SRRM4: variants seen among roughly 807,000 people sequenced by gnomAD.
SRRM4 encodes the protein serine/arginine repetitive matrix 4.
Under a neutral mutation model 68.9 loss-of-function variants are expected in SRRM4, and 33 were observed. That is an observed-to-expected ratio of 0.48 (90% confidence interval 0.36 to 0.64). SRRM4 has a LOEUF of 0.64. Among genes scored for constraint, SRRM4 ranks in the 30% least tolerant of loss-of-function variants. SRRM4 has a pLI of 0.00. For missense variants in SRRM4, 817 were observed against 827.1 expected (o/e 0.99, Z 0.15); for synonymous variants, 318 against 318.8 (o/e 1.00, Z 0.03).
At chr12:119,068,332 ACTGTCATAG>A (rs1753514090) in intron 1 of SRRM4, among the ~76,000 whole-genome samples, 1 of 152,174 alleles carries the variant, frequency 6.6e-6, no homozygotes, top group Admixed American at 6.5e-5. Flanking sequence ...AGCTGTCATC[ACTGTCATAG>A]CCATCATCAT....
chr12:119,010,601 G>A (rs1953443001), intron 1 of SRRM4, among the ~76,000 whole-genome samples: 1 of 152,198 alleles, frequency 6.6e-6, no homozygotes, highest in South Asian at 2.1e-4. Context: ...TTGCTGTTAG[G>A]AGTGTAAACT....
At chr12:119,057,262 T>A (rs1326950383) in intron 1 of SRRM4, among the ~76,000 whole-genome samples, 2 of 152,170 alleles carry the variant, frequency 1.3e-5, no homozygotes, top group African/African-American at 4.8e-5. Context: ...TGTGCCATGG[T>A]GGTTTGCTAC....
Position 119,114,736 on chromosome 12 carries a change from C to T in SRRM4, c.365+372C>T, listed in dbSNP as rs575188379. 4.9e-5 allele frequency among the ~76,000 whole-genome samples: 7 copies of T among 141,578 alleles called. No homozygotes were observed. The East Asian group carries it at 1.6e-3, about 32-fold the overall frequency. 92.9% of individuals were successfully genotyped at this position (141,578 alleles called of 152,430 possible). ...CTGGAGTGCACTGGCATGATCTCGG[C>T]TCCCTGCAATCTCCGCCTCCCAGGT... On this transcript the variant is annotated intron_variant, in intron 3 of 12. Transcript: ENST00000267260.
intron 1 of SRRM4, chr12:119,001,164 G>A (rs568153639): frequency 6.6e-6 from 1 of 152,184 alleles, no homozygotes; most frequent in Non-Finnish European, 1.5e-5. Flanking sequence ...TTTGCTTCTC[G>A]TGGCATACAG....
intron 1 of SRRM4, among the ~76,000 whole-genome samples, chr12:118,991,240 C>T (rs539946650): frequency 1.1e-4 from 16 of 152,322 alleles, no homozygotes; most frequent in South Asian, 2.1e-4. Flanking sequence ...GCATCTTATT[C>T]CTTTTAGTTA....
intron 8 of SRRM4, among the ~76,000 whole-genome samples, chr12:119,140,719 T>A (rs2065676817): frequency 6.6e-6 from 1 of 152,176 alleles, no homozygotes; most frequent in African/African-American, 2.4e-5. Flanking sequence ...GTTTTGCAGG[T>A]CGGAAACTTC....
In SRRM4 at chr12:119,154,478, G is replaced by GA; in HGVS notation, c.1532+95_1532+96insA. 4 of 1,433,258 alleles carry GA rather than the reference G, an allele frequency of 2.8e-6. No homozygotes were observed. The highest frequency in any genetic ancestry group is 2.9e-6 in the Non-Finnish European group (3 of 1,048,282). The allele number at this position is 1,433,258 out of a possible 1,614,324, so 88.8% of individuals were successfully genotyped here. Reference sequence around the variant, plus strand: ...TCAGGCTCTCCCTAGGCCTCCTTGGGGCTGGGATTTAGGATTGTGCGAGCT... The same window carrying GA: ...TCAGGCTCTCCCTAGGCCTCCTTGGGAGCTGGGATTTAGGATTGTGCGAGCT... On this transcript the variant is annotated intron_variant, in intron 12 of 12. Coordinates refer to ENST00000267260, the MANE Select transcript of SRRM4 (RefSeq NM_194286.4). The surrounding 1 kb of genome is among the most constrained non-coding windows in gnomAD (Gnocchi z 4.7).
intron 8 of SRRM4, among the ~76,000 whole-genome samples, chr12:119,143,519 A>G (rs974931386): frequency 6.6e-6 from 1 of 152,196 alleles, no homozygotes; most frequent in Non-Finnish European, 1.5e-5. Flanking sequence ...AGACCCTTGG[A>G]CCATTTCAGA....
chr12:119,051,035 A>AT (rs35257273), intron 1 of SRRM4, among the ~76,000 whole-genome samples: 1 of 152,026 alleles, frequency 6.6e-6, no homozygotes, highest in Non-Finnish European at 1.5e-5. Flanking sequence ...ATCAGGAGCA[A>AT]TTTTTTCCTC....
chr12:118,997,889 G>A (rs547322516), intron 1 of SRRM4, among the ~76,000 whole-genome samples: 29 of 151,994 alleles, frequency 1.9e-4, no homozygotes, highest in Non-Finnish European at 3.2e-4. Context: ...AGGTGACACA[G>A]CTAGGAAGTG....
At chr12:118,990,278 G>A (rs1398547489) in intron 1 of SRRM4, among the ~76,000 whole-genome samples, 2 of 152,154 alleles carry the variant, frequency 1.3e-5, no homozygotes, top group Non-Finnish European at 2.9e-5. Flanking sequence ...TATCACAGAG[G>A]GGAGGTAAGC....
At chr12:119,151,647 G>C (rs565346060) in intron 10 of SRRM4, among the ~76,000 whole-genome samples, 225 of 152,246 alleles carry the variant, frequency 1.5e-3, no homozygotes, top group Middle Eastern at 3.4e-3. Context: ...GCTCAGCTGG[G>C]TGGTTCTTCT....
chr12:118,981,874 G>T lies in SRRM4; in HGVS notation c.-9G>T. 6.2e-7 allele frequency: 1 copy of T among 1,613,174 alleles called. No homozygotes were observed. Among genetic ancestry groups the T allele is most frequent in the Admixed American group, 1.7e-5 (1 of 59,964 alleles). On this transcript the variant is annotated 5_prime_UTR_variant, in exon 1 of 13. Coordinates refer to ENST00000267260, the MANE Select transcript of SRRM4 (RefSeq NM_194286.4). ...GCGCCCCGGACGCCCCGGCCCCTTT[G>T]GGTTGGCGATGGCGAGCGTTCAGCA... is the stretch of plus-strand genomic sequence containing the variant.
chr12:118,993,218 G>C (rs1217279600), intron 1 of SRRM4, among the ~76,000 whole-genome samples: 2 of 152,152 alleles, frequency 1.3e-5, no homozygotes, highest in African/African-American at 4.8e-5. Context: ...TGACCCCAAA[G>C]AGGTTGTTCA....
chr12:119,039,110 T>C (rs934203697), intron 1 of SRRM4, among the ~76,000 whole-genome samples: 1 of 152,250 alleles, frequency 6.6e-6, no homozygotes, highest in Non-Finnish European at 1.5e-5. Context: ...CTTTTTGGAA[T>C]ATGCTAAGAG....
At chr12:119,143,695 G>A (rs1954381979) in intron 8 of SRRM4, among the ~76,000 whole-genome samples, 1 of 152,166 alleles carries the variant, frequency 6.6e-6, no homozygotes, top group South Asian at 2.1e-4. Flanking sequence ...CTTGGACCTA[G>A]AAGTGTGGAC....
At chr12:119,091,082 T>C (rs1227012960) in intron 1 of SRRM4, among the ~76,000 whole-genome samples, 1 of 152,114 alleles carries the variant, frequency 6.6e-6, no homozygotes, top group Non-Finnish European at 1.5e-5. Flanking sequence ...TGTCTGCTTG[T>C]TAGGAATTTT....
intron 1 of SRRM4, among the ~76,000 whole-genome samples, chr12:119,021,098 G>A (rs905936217): frequency 1.3e-5 from 2 of 152,170 alleles, no homozygotes; most frequent in East Asian, 3.9e-4. Context: ...GGTAAGTCAG[G>A]GAAAGGAGGT....
chr12:119,119,602 T>C (rs1202886873), intron 4 of SRRM4, among the ~76,000 whole-genome samples: 2 of 152,022 alleles, frequency 1.3e-5, no homozygotes, highest in Non-Finnish European at 2.9e-5. Context: ...TCTCTGATCG[T>C]CAGTGTTTTT....
Sources: allele counts gnomAD v4.1 joint callset (sites outside exome capture counted in the v4.1 genomes callset), GRCh38; gene constraint gnomAD v4.1.1; non-coding constraint Gnocchi (gnomAD v3.1); transcripts MANE v1.5; gene names NCBI Gene and HGNC (gene_info 2026-07-23, HGNC 2026-07-21).